The following FAM184A variants were observed in gnomAD, a reference collection of about 807,000 sequenced individuals.
FAM184A encodes protein FAM184A.
FAM184A carries 99 observed loss-of-function variants against 143.8 expected under a neutral mutation model. The ratio of observed to expected loss-of-function variants is 0.69; its 90% CI spans 0.58 to 0.81. The LOEUF is 0.81. Among genes scored for constraint, FAM184A ranks in the 40% least tolerant of loss-of-function variants. The probability of loss-of-function intolerance (pLI) is 0.00; values close to 1 mark genes in which losing one functional copy is unlikely to be tolerated. For synonymous variants in FAM184A, 427 were observed against 446.4 expected, an observed-to-expected ratio of 0.96 and a Z score of 0.55; for missense variants, 1,217 against 1,310.5, an observed-to-expected ratio of 0.93 and a Z score of 1.10.
chr6:119,089,381 A>G (rs7754764), intron 1 of FAM184A, among the ~76,000 whole-genome samples: 5 of 150,668 alleles, frequency 3.3e-5, no homozygotes, highest in African/African-American at 9.8e-5. Flanking sequence ...TTTTTTTTGT[A>G]TTTTCGTAGA....
intron 6 of FAM184A, 143 bp downstream of exon 6, chr6:119,011,166 T>A: frequency 3.1e-6 from 2 of 652,292 alleles, no homozygotes; most frequent in Non-Finnish European, 4.8e-6. Context: ...TCATGAAAAA[T>A]TCAACACCAA....
intron 1 of FAM184A, among the ~76,000 whole-genome samples, chr6:119,119,739 G>A (rs560295187): frequency 5.3e-5 from 8 of 152,168 alleles, no homozygotes; most frequent in Non-Finnish European, 1.0e-4. Context: ...GGGAGACAGA[G>A]GCAGGAGGAT....
chr6:119,074,810 T>C (rs956353234), intron 1 of FAM184A, among the ~76,000 whole-genome samples: 1 of 152,228 alleles, frequency 6.6e-6, no homozygotes, highest in African/African-American at 2.4e-5. Flanking sequence ...GAATCTAATA[T>C]TAATTCTTAA....
At chr6:118,962,572 A>T (rs1783368234) in intron 16 of FAM184A, 2 of 152,506 alleles carry the variant, frequency 1.3e-5, no homozygotes, top group African/African-American at 2.4e-5. Context: ...GAAGAGAGAA[A>T]GTTATATCTG....
chr6:119,141,472 C>T (rs1456603733), intron 1 of FAM184A, among the ~76,000 whole-genome samples: 4 of 147,630 alleles, frequency 2.7e-5, no homozygotes, highest in Non-Finnish European at 3.0e-5. Context: ...TTTGCCTGAA[C>T]TCCTTTATTT....
chr6:118,989,654 A>G (rs561846104), intron 9 of FAM184A, among the ~76,000 whole-genome samples: 1 of 132,080 alleles, frequency 7.6e-6, no homozygotes, highest in African/African-American at 2.7e-5. Context: ...CAACTTTCTC[A>G]TGCTTTTATG....
intron 1 of FAM184A, among the ~76,000 whole-genome samples, chr6:119,140,948 G>C (rs1437152000): frequency 6.6e-6 from 1 of 152,206 alleles, no homozygotes; most frequent in Non-Finnish European, 1.5e-5. Context: ...GCTATTAGTA[G>C]CATTAAGCAG....
intron 1 of FAM184A, among the ~76,000 whole-genome samples, chr6:119,026,194 C>T (rs141833300): frequency 1.3e-5 from 2 of 152,296 alleles, no homozygotes; most frequent in African/African-American, 2.4e-5. Context: ...TCTTGCCATG[C>T]TATCCCTTTT....
intron 14 of FAM184A, among the ~76,000 whole-genome samples, chr6:118,971,342 A>G (rs2114557310): frequency 6.6e-6 from 1 of 152,320 alleles, no homozygotes; most frequent in South Asian, 2.1e-4. Flanking sequence ...CTTCTTTTCA[A>G]TTGGGGATTA....
intron 1 of FAM184A, chr6:119,031,420 A>G (rs1373996715): frequency 6.6e-6 from 1 of 152,202 alleles, no homozygotes; most frequent in Admixed American, 6.5e-5. Context: ...CGACACATCA[A>G]GAAGGTGACC....
chr6:119,034,035 TATATATAGAG>T (rs1319025771), intron 1 of FAM184A, among the ~76,000 whole-genome samples: 38 of 34,266 alleles, frequency 1.1e-3, no homozygotes, highest in East Asian at 3.1e-3. Flanking sequence ...TATATATATA[TATATATAGAG>T]AGAGAGAGAG....
intron 5 of FAM184A, among the ~76,000 whole-genome samples, chr6:119,015,601 C>T (rs1050535371): frequency 2.0e-5 from 3 of 152,234 alleles, no homozygotes; most frequent in Non-Finnish European, 4.4e-5. Flanking sequence ...ATGCCTGAGC[C>T]TTCCCCCGCC....
intron 1 of FAM184A, among the ~76,000 whole-genome samples, chr6:119,085,067 G>T (rs1244930878): frequency 2.0e-5 from 3 of 152,234 alleles, no homozygotes; most frequent in African/African-American, 7.2e-5. Context: ...CATTGTCTTG[G>T]CTATCAGCAT....
At chr6:119,075,003 C>A (rs1252203231) in intron 1 of FAM184A, among the ~76,000 whole-genome samples, 2 of 152,162 alleles carry the variant, frequency 1.3e-5, no homozygotes, top group Non-Finnish European at 2.9e-5. Flanking sequence ...AGGATATGAA[C>A]AAATATGCAT....
At chr6:118,990,296 C>T (rs1193012910) in intron 9 of FAM184A, among the ~76,000 whole-genome samples, 5 of 152,166 alleles carry the variant, frequency 3.3e-5, no homozygotes, top group Non-Finnish European at 7.4e-5. Flanking sequence ...TATGCCAAAT[C>T]AGAGTGACAT....
intron 1 of FAM184A, among the ~76,000 whole-genome samples, chr6:119,144,485 G>A (rs1447303058): frequency 6.6e-6 from 1 of 152,212 alleles, no homozygotes; most frequent in African/African-American, 2.4e-5. Context: ...CTTCACGCCG[G>A]CACACACTCT....
chr6:119,053,194 G>A (rs976323958), intron 1 of FAM184A, among the ~76,000 whole-genome samples: 1 of 152,092 alleles, frequency 6.6e-6, no homozygotes, highest in African/African-American at 2.4e-5. Flanking sequence ...GAAAGTTAGG[G>A]GAGAGGTGCC....
chr6:119,052,089 C>T (rs1786791849), intron 1 of FAM184A, among the ~76,000 whole-genome samples: 1 of 152,154 alleles, frequency 6.6e-6, no homozygotes, highest in African/African-American at 2.4e-5. Context: ...TATGTCAGTC[C>T]TTGAATGGAC....
chr6:118,969,804 C>A lies in FAM184A; in HGVS notation c.2916-2852G>T, dbSNP rs181151207. On this transcript the variant is annotated intron_variant, in intron 14 of 17. Coordinates refer to ENST00000338891, the MANE Select transcript of FAM184A (RefSeq NM_024581.6). ...TCATGCTATCCCTCCCCCTGCCCCC[C>A]ACCCCGTGACAGGCCCTGGTGTGTG... Among the ~76,000 whole-genome samples, 1,080 of 128,584 alleles carry A rather than the reference C, an allele frequency of 8.4e-3. 9 individuals carry two copies. The highest frequency in any genetic ancestry group is 0.027 in the Middle Eastern group (7 of 260). 84.4% of individuals were successfully genotyped at this position (128,584 alleles called of 152,430 possible).
Sources: gnomAD v4.1 joint callset for allele counts (sites outside exome capture counted in the v4.1 genomes callset) on GRCh38, gnomAD v4.1.1 for gene constraint, MANE v1.5 for transcripts, NCBI Gene and HGNC (gene_info 2026-07-23, HGNC 2026-07-21) for gene names.